The following LAMA3 variants were observed in gnomAD, a reference collection of about 807,000 sequenced individuals.
LAMA3 encodes the protein laminin subunit alpha-3.
In LAMA3, 281 loss-of-function variants were observed where a neutral mutation model predicts 402.0. That is an observed-to-expected ratio of 0.70 (90% CI 0.63 to 0.77). LAMA3 has a LOEUF of 0.77. Ranked by LOEUF, LAMA3 falls within the 30% of genes least tolerant of loss-of-function variation. The pLI, the probability that LAMA3 is intolerant of heterozygous loss-of-function variation, is 0.00. For synonymous variants in LAMA3, 1,431 were observed against 1,558.4 expected (o/e 0.92, Z 1.93); for missense variants, 3,840 against 4,215.5 (o/e 0.91, Z 2.47).
At chr18:23,895,159 A>C in intron 44 of LAMA3, 101 bp downstream of exon 44, 19 of 1,359,464 alleles carry the variant, frequency 1.4e-5, no homozygotes, top group Non-Finnish European at 1.7e-5. Context: ...GGAAAGGCTC[A>C]GGGGTTGTCC....
chr18:23,733,594 TG>T (rs1339289727), intron 2 of LAMA3, among the ~76,000 whole-genome samples: 2 of 152,164 alleles, frequency 1.3e-5, no homozygotes, highest in Non-Finnish European at 2.9e-5. Flanking sequence ...GAGATCTGGG[TG>T]GTGACATAGC....
At chr18:23,723,181 C>T (rs969564502) in intron 2 of LAMA3, among the ~76,000 whole-genome samples, 1 of 152,076 alleles carries the variant, frequency 6.6e-6, no homozygotes, top group Non-Finnish European at 1.5e-5. Flanking sequence ...GATGTTACTT[C>T]CCAGAATATT....
At chr18:23,905,192 G>A (rs1177717774) in intron 51 of LAMA3, among the ~76,000 whole-genome samples, 2 of 152,084 alleles carry the variant, frequency 1.3e-5, no homozygotes, top group African/African-American at 4.8e-5. Flanking sequence ...AGACTTTTCT[G>A]TCCCAAAGCT....
chr18:23,909,076 A>C lies in LAMA3; in HGVS notation c.7016-77A>C, dbSNP rs1022039031. ...GGACCAAACATGCCACTTGACAAAT[A>C]CTGTCAGTAAGAACATTTGTAGTTA... On this transcript the variant is annotated intron_variant, in intron 54 of 74. Transcript: ENST00000313654. 25 of 1,392,092 alleles carry C rather than the reference A, an allele frequency of 1.8e-5. No individual in the cohort carries two copies. In the African/African-American group the frequency reaches 3.4e-4, roughly 19 times the overall value. 86.2% of individuals were successfully genotyped at this position (1,392,092 alleles called of 1,614,324 possible). A position where few individuals can be genotyped will look rare whatever the true frequency, so the allele number is the denominator to read the frequency against.
chr18:23,836,677 T>G (rs890133808), intron 24 of LAMA3, among the ~76,000 whole-genome samples: 2 of 152,144 alleles, frequency 1.3e-5, no homozygotes, highest in African/African-American at 4.8e-5. Context: ...CTTAGAGATC[T>G]GCAGTTACTG....
rs765891935 is a variant in LAMA3 at position 23,890,002 on chromosome 18, T to G, written c.5304-9T>G. ...TGGGTGTTTCTCCTCCTCTCTATAT[T>G]TTGTGTAGGTGTGCACCGGGATATT... On this transcript the variant is annotated splice_polypyrimidine_tract_variant and intron_variant, in intron 41 of 74. Transcript: ENST00000313654. The G allele has an allele frequency of 6.2e-7, 1 of 1,604,470 alleles. No homozygotes were observed. The highest frequency in any genetic ancestry group is 1.3e-5 in the African/African-American group (1 of 74,614).
In LAMA3 at chr18:23,742,203, G is replaced by C. The variant is rs1404037577; in HGVS notation, c.448-5740G>C. ...AAATTCAGACTGTGGGACGTTCTGT[G>C]ATTCTGTGACCAATTCTATGATGGA... On this transcript the variant is annotated intron_variant, in intron 2 of 74. Coordinates refer to ENST00000313654, the MANE Select transcript of LAMA3 (RefSeq NM_198129.4). 3.3e-5 allele frequency among the ~76,000 whole-genome samples: 5 copies of C among 152,328 alleles called. No individual in the cohort carries two copies. The East Asian group carries it at 9.6e-4, about 29-fold the overall frequency.
In LAMA3 at chr18:23,842,490, G is replaced by A; in HGVS notation, c.3432G>A (p.Gln1144=). The A allele has an allele frequency of 6.2e-7, 1 of 1,614,242 alleles. No individual in the cohort carries two copies. The highest frequency in any genetic ancestry group is 1.1e-5 in the South Asian group (1 of 91,090). ...YQAAHPTFPA[Q]VSVDGGWPRA... is the part of the protein sequence containing the mutation. ...CAGCGCACCCGACGTTTCCCGCGCA[G>A]GTGTCGGTGGATGGCGGGTGGCCAC... Residue 1144 remains glutamine (Q), a synonymous_variant, in exon 28 of 75, where the codon CAG becomes CAA. Coordinates refer to ENST00000313654, the MANE Select transcript of LAMA3 (RefSeq NM_198129.4).
intron 23 of LAMA3, among the ~76,000 whole-genome samples, chr18:23,832,841 A>G (rs2063513100): frequency 6.6e-6 from 1 of 152,240 alleles, no homozygotes; most frequent in Non-Finnish European, 1.5e-5. Flanking sequence ...AAAGACATGT[A>G]AAATACCATT....
In LAMA3 at chr18:23,847,596, G is replaced by C; in HGVS notation, c.4064G>C (p.Gly1355Ala). The C allele has an allele frequency of 1.9e-6, 3 of 1,614,092 alleles. No homozygotes were observed. Among genetic ancestry groups the C allele is most frequent in the Non-Finnish European group, 2.5e-6 (3 of 1,180,042 alleles). Reference sequence around the variant, plus strand: ...TTCCACCCCATGGCCGGCTGCGAAGGCTGCAACTGTTCCAGGAGGGGCACC... The same window carrying C: ...TTCCACCCCATGGCCGGCTGCGAAGCCTGCAACTGTTCCAGGAGGGGCACC... ...FSFHPMAGCE[G>A]CNCSRRGTIE... The change falls in exon 32 of 75, where the codon GGC (glycine) becomes GCC (alanine). Residue 1355 changes from glycine to alanine, a missense_variant. Physicochemically the swap from Gly to Ala is moderately conservative, Grantham distance 60. Transcript: ENST00000313654.
intron 52 of LAMA3, among the ~76,000 whole-genome samples, chr18:23,906,467 A>G (rs1396587149): frequency 6.6e-6 from 1 of 152,026 alleles, no homozygotes; most frequent in Non-Finnish European, 1.5e-5. Flanking sequence ...AACTCTCTCA[A>G]TCTCACCAAA....
intron 68 of LAMA3, among the ~76,000 whole-genome samples, chr18:23,941,161 C>T (rs973000969): frequency 6.6e-6 from 1 of 152,040 alleles, no homozygotes; most frequent in Non-Finnish European, 1.5e-5. Flanking sequence ...TGGTCTCGAA[C>T]TCCTGACCTC....
intron 47 of LAMA3, chr18:23,899,696 A>G (rs2081003798): frequency 4.6e-6 from 2 of 433,418 alleles, no homozygotes; most frequent in Non-Finnish European, 8.4e-6. Flanking sequence ...TCTAAAAGTT[A>G]GATATGGTTG....
In LAMA3 at chr18:23,894,853, G is replaced by A. The variant is rs1599026436; in HGVS notation, c.5462-54G>A. 14 of 1,612,154 alleles carry A rather than the reference G, an allele frequency of 8.7e-6. No individual in the cohort carries two copies. In the South Asian group the frequency reaches 1.2e-4, roughly 14 times the overall value. ...GCTGCATAGCACTTGTGGTCTTTTC[G>A]CAGTCCCACGGCTCCCCCCACAGCA... On this transcript the variant is annotated intron_variant, in intron 43 of 74. Transcript: ENST00000313654.
intron 64 of LAMA3, 98 bp downstream of exon 64, chr18:23,928,863 A>G: frequency 7.8e-6 from 9 of 1,157,200 alleles, no homozygotes; most frequent in Non-Finnish European, 1.2e-5. Context: ...GGAGTTGTAC[A>G]TTTTTTCTAT....
intron 60 of LAMA3, among the ~76,000 whole-genome samples, chr18:23,919,994 A>G (rs187305960): frequency 1.3e-5 from 2 of 152,220 alleles, no homozygotes; most frequent in Non-Finnish European, 2.9e-5. Flanking sequence ...TTACAAGATT[A>G]TGTTGGATGG....
intron 12 of LAMA3, among the ~76,000 whole-genome samples, chr18:23,793,529 G>A (rs772088080): frequency 2.0e-5 from 3 of 151,820 alleles, no homozygotes; most frequent in South Asian, 2.1e-4. Context: ...CTCAGCAGAC[G>A]ACCACCAAGA....
intron 30 of LAMA3, among the ~76,000 whole-genome samples, chr18:23,845,695 C>T (rs2063798367): frequency 6.6e-6 from 1 of 152,240 alleles, no homozygotes; most frequent in Non-Finnish European, 1.5e-5. Context: ...GAGGCAGACA[C>T]CTCCTGTACA....
chr18:23,746,975 G>A (rs1042756775), intron 2 of LAMA3, among the ~76,000 whole-genome samples: 2 of 151,734 alleles, frequency 1.3e-5, no homozygotes, highest in Non-Finnish European at 2.9e-5. Flanking sequence ...GGAACCCACA[G>A]GGTCTGAGCA....
Sources: gnomAD v4.1 joint callset for allele counts (sites outside exome capture counted in the v4.1 genomes callset) on GRCh38, gnomAD v4.1.1 for gene constraint, MANE v1.5 for transcripts, NCBI Gene and HGNC (gene_info 2026-07-23, HGNC 2026-07-21) for gene names.